PTCHD4: variants seen among roughly 807,000 people sequenced by gnomAD.
PTCHD4 encodes the protein patched domain-containing protein 4.
In PTCHD4, 33 loss-of-function variants were observed where a neutral mutation model predicts 58.1. The observed-to-expected ratio is 0.57, with a 90% CI of 0.43 to 0.76. The LOEUF is 0.76. Among genes scored for constraint, PTCHD4 ranks in the 30% least tolerant of loss-of-function variants. The pLI is 0.00. For missense variants in PTCHD4, 1,058 were observed against 1,027.1 expected, an observed-to-expected ratio of 1.03 and a Z score of -0.41; for synonymous variants, 478 against 409.6, an observed-to-expected ratio of 1.17 and a Z score of -2.02.
At chr6:47,912,762 TA>T (rs1274361059) in intron 4 of PTCHD4, among the ~76,000 whole-genome samples, 1 of 152,100 alleles carries the variant, frequency 6.6e-6, no homozygotes, top group Non-Finnish European at 1.5e-5. Context: ...AACTATACAT[TA>T]AAAAAATATT....
At chr6:47,891,052 A>AT (rs1764363914) in intron 4 of PTCHD4, 1 of 160,196 alleles carries the variant, frequency 6.2e-6, no homozygotes, top group African/African-American at 2.4e-5. Context: ...AACTAAAAAA[A>AT]AAAAAAAAAA....
intron 4 of PTCHD4, among the ~76,000 whole-genome samples, chr6:47,949,369 G>A (rs1393294996): frequency 6.6e-6 from 1 of 152,168 alleles, no homozygotes; most frequent in Non-Finnish European, 1.5e-5. Flanking sequence ...ACCAGGTGGG[G>A]CAGAAAGGGT....
At chr6:47,893,507 A>G (rs914715632) in intron 4 of PTCHD4, among the ~76,000 whole-genome samples, 4 of 152,206 alleles carry the variant, frequency 2.6e-5, no homozygotes, top group Admixed American at 6.5e-5. Context: ...AAGAGGCAAT[A>G]TGGTATATGA....
intron 3 of PTCHD4, among the ~76,000 whole-genome samples, chr6:48,052,205 T>C (rs1198602702): frequency 6.6e-6 from 1 of 152,002 alleles, no homozygotes; most frequent in Non-Finnish European, 1.5e-5. Context: ...TTTCTTGAAC[T>C]TAAAAGTTTA....
chr6:48,046,029 A>C (rs1049675607), intron 3 of PTCHD4, among the ~76,000 whole-genome samples: 2 of 151,830 alleles, frequency 1.3e-5, no homozygotes, highest in Non-Finnish European at 2.9e-5. Context: ...TTTACTTAAC[A>C]ATTTGTTGGA....
At chr6:48,082,718 C>T (rs1238528342) in intron 1 of PTCHD4, among the ~76,000 whole-genome samples, 1 of 152,050 alleles carries the variant, frequency 6.6e-6, no homozygotes, top group Non-Finnish European at 1.5e-5. Flanking sequence ...TTTTTAATCA[C>T]TTCTTTTATA....
At chr6:48,048,642 A>T (rs1764123954) in intron 3 of PTCHD4, among the ~76,000 whole-genome samples, 1 of 151,820 alleles carries the variant, frequency 6.6e-6, no homozygotes, top group South Asian at 2.1e-4. Context: ...ATTACTGAGG[A>T]TTTAGCATCT....
At chr6:48,032,905 A>G (rs943325337) in intron 3 of PTCHD4, among the ~76,000 whole-genome samples, 1 of 151,856 alleles carries the variant, frequency 6.6e-6, no homozygotes, top group African/African-American at 2.4e-5. Flanking sequence ...TTTACTGGAA[A>G]CTCCTTGAAG....
intron 1 of PTCHD4, among the ~76,000 whole-genome samples, chr6:48,089,225 G>C (rs527832575): frequency 8.3e-4 from 127 of 152,254 alleles, no homozygotes; most frequent in African/African-American, 2.9e-3. Context: ...AATTTACCAT[G>C]TCTGTATTCT....
intron 1 of PTCHD4, among the ~76,000 whole-genome samples, chr6:48,107,230 A>G (rs1765750009): frequency 6.6e-6 from 1 of 152,206 alleles, no homozygotes; most frequent in African/African-American, 2.4e-5. Context: ...CCAAAACAGC[A>G]TGGTACTCGT....
chr6:48,050,466 A>C (rs1764191369), intron 3 of PTCHD4, among the ~76,000 whole-genome samples: 1 of 152,038 alleles, frequency 6.6e-6, no homozygotes. Flanking sequence ...TTTAGGAATG[A>C]GTAAGAATGT....
intron 3 of PTCHD4, among the ~76,000 whole-genome samples, chr6:48,031,883 C>G (rs986296047): frequency 6.6e-6 from 1 of 152,028 alleles, no homozygotes; most frequent in Non-Finnish European, 1.5e-5. Context: ...AAAAGTGATT[C>G]AGATCCTAAG....
rs764060003 is a variant in PTCHD4, at chr6:48,009,152, G to A, written c.418-38C>T. On this transcript the variant is annotated intron_variant, in intron 3 of 4. Transcript: ENST00000339488. ...AAAAGAAGAGACTTCAGTTACGGATGTATATTCCAGGGAATAGATTCTTAC... is the reference window on the plus strand; with the variant it reads ...AAAAGAAGAGACTTCAGTTACGGATATATATTCCAGGGAATAGATTCTTAC... The A allele has an allele frequency of 7.1e-6, 11 of 1,550,958 alleles. No homozygotes were observed. In the African/African-American group the frequency reaches 1.4e-4, roughly 19 times the overall value.
chr6:47,905,411 G>A (rs569944566), intron 4 of PTCHD4, among the ~76,000 whole-genome samples: 1 of 152,202 alleles, frequency 6.6e-6, no homozygotes, highest in South Asian at 2.1e-4. Flanking sequence ...GTTTAATTCA[G>A]CAAACATTTA....
rs754898461 is a variant in PTCHD4 at position 47,879,010 on chromosome 6, C to A, written c.1825G>T (p.Ala609Ser). 5.0e-6 allele frequency: 8 copies of A among 1,613,268 alleles called. No homozygotes were observed. Among genetic ancestry groups the A allele is most frequent in the Admixed American group, 3.3e-5 (2 of 59,948 alleles). Residue 609 changes from alanine to serine, a missense_variant, in exon 5 of 5, where the codon GCC (alanine) becomes TCC (serine). Ala to Ser is a moderately conservative substitution (Grantham distance 99). Transcript: ENST00000339488. ...NIIASRLYLV[A>S]RTSRDKQKEI... ...TTCTGCTTGTCTCTGCTAGTCCTGG[C>A]CACCAGATACAAGCGAGAAGCAATG...
At chr6:47,964,000 A>T (rs1767196061) in intron 4 of PTCHD4, among the ~76,000 whole-genome samples, 1 of 152,342 alleles carries the variant, frequency 6.6e-6, no homozygotes, top group Non-Finnish European at 1.5e-5. Context: ...CTTTATGCCA[A>T]CGTGCTGTTG....
intron 4 of PTCHD4, among the ~76,000 whole-genome samples, chr6:47,999,788 AT>A (rs1199030867): frequency 2.0e-5 from 3 of 152,194 alleles, no homozygotes; most frequent in African/African-American, 7.2e-5. Context: ...GTCACAGATA[AT>A]TAGAACAGAC....
intron 3 of PTCHD4, among the ~76,000 whole-genome samples, chr6:48,051,067 A>C (rs1052793779): frequency 1.3e-5 from 2 of 152,150 alleles, no homozygotes; most frequent in South Asian, 4.1e-4. Context: ...TCTCAGGAAC[A>C]CACAGCAAAC....
chr6:47,882,298 C>T (rs116904184), intron 4 of PTCHD4, among the ~76,000 whole-genome samples: 2 of 151,994 alleles, frequency 1.3e-5, no homozygotes, highest in East Asian at 3.9e-4. Context: ...CTATGTAGGC[C>T]AGATTTTTGC....
Sources: allele counts gnomAD v4.1 joint callset (sites outside exome capture counted in the v4.1 genomes callset), GRCh38; gene constraint gnomAD v4.1.1; transcripts MANE v1.5; gene names NCBI Gene and HGNC (gene_info 2026-07-23, HGNC 2026-07-21).